Variants in SLC2A9 observed in about 807,000 individuals in gnomAD.
SLC2A9 encodes the protein solute carrier family 2, facilitated glucose transporter member 9.
SLC2A9 carries 39 observed loss-of-function variants against 50.6 expected under a neutral mutation model. The ratio of observed to expected loss-of-function variants is 0.77; its 90% CI spans 0.60 to 1.01. SLC2A9 has a LOEUF of 1.01. Ranked by LOEUF, SLC2A9 falls within the 50% of genes least tolerant of loss-of-function variation. The pLI is 0.00. For missense variants in SLC2A9, 686 were observed against 677.6 expected (o/e 1.01, Z -0.14); for synonymous variants, 324 against 276.9 (o/e 1.17, Z -1.69).
rs753237840 is a variant in SLC2A9, at chr4:9,920,369, G to A, written c.1002+16C>T. 92 of 1,613,548 alleles carry A rather than the reference G, an allele frequency of 5.7e-5. No homozygotes were observed. The highest frequency in any genetic ancestry group is 1.3e-4 in the Admixed American group (8 of 59,962). ...CTCCAGTCATGCAAGGATGCCCACC[G>A]GGCCCCAGGACTCACTGCATTGAGG... is the stretch of plus-strand genomic sequence containing the variant. On this transcript the variant is annotated intron_variant, in intron 7 of 11. Transcript: ENST00000264784.
intron 2 of SLC2A9, among the ~76,000 whole-genome samples, chr4:10,007,660 G>A (rs1761038257): frequency 6.6e-6 from 1 of 152,188 alleles, no homozygotes; most frequent in Admixed American, 6.5e-5. Context: ...TCTTTTGAGA[G>A]GTTGCATAGC....
chr4:9,822,571 C>G (rs1048800102), downstream of SLC2A9, among the ~76,000 whole-genome samples: 1 of 152,104 alleles, frequency 6.6e-6, no homozygotes, highest in Admixed American at 6.5e-5. Flanking sequence ...CTATCTATAT[C>G]ATTATGTTTA....
chr4:9,887,003 C>T (rs190224151), intron 10 of SLC2A9, among the ~76,000 whole-genome samples: 4 of 152,350 alleles, frequency 2.6e-5, no homozygotes, highest in Admixed American at 6.5e-5. Context: ...TCCAGCTGCA[C>T]ACTCACACAG....
intron 3 of SLC2A9, among the ~76,000 whole-genome samples, chr4:9,996,374 C>CCTGCT (rs1311251722): frequency 6.6e-6 from 1 of 152,238 alleles, no homozygotes; most frequent in African/African-American, 2.4e-5. Context: ...CCCTCCCCTC[C>CCTGCT]CTGCTCTGCT....
At chr4:9,958,070 G>T (rs1312969605) in intron 5 of SLC2A9, among the ~76,000 whole-genome samples, 1 of 152,114 alleles carries the variant, frequency 6.6e-6, no homozygotes, top group Non-Finnish European at 1.5e-5. Flanking sequence ...AATAAGAAAG[G>T]CATCAGATTT....
At chr4:9,794,737 T>C (rs1480557427), downstream of SLC2A9, among the ~76,000 whole-genome samples, 2 of 152,220 alleles carry the variant, frequency 1.3e-5, no homozygotes, top group East Asian at 3.9e-4. Context: ...TAAAGATGGG[T>C]TCTCATCATG....
chr4:9,924,813 T>C (rs1292175712), intron 6 of SLC2A9, among the ~76,000 whole-genome samples: 2 of 152,186 alleles, frequency 1.3e-5, no homozygotes, highest in Non-Finnish European at 2.9e-5. Context: ...GACACTGCCT[T>C]CCGTGTCTGA....
chr4:10,013,534 G>A (rs1762117540), intron 2 of SLC2A9, among the ~76,000 whole-genome samples: 1 of 152,188 alleles, frequency 6.6e-6, no homozygotes, highest in African/African-American at 2.4e-5. Flanking sequence ...TTTAAAAGGG[G>A]GTTAGTGATA....
intron 5 of SLC2A9, among the ~76,000 whole-genome samples, chr4:9,944,219 T>C (rs1748708027): frequency 6.6e-6 from 1 of 152,198 alleles, no homozygotes; most frequent in South Asian, 2.1e-4. Context: ...GCTGGAGCCT[T>C]GAGCAGAGGT....
chr4:9,784,276 C>T (rs896913692), intron 3 of SLC2A9, among the ~76,000 whole-genome samples: 1 of 143,532 alleles, frequency 7.0e-6, no homozygotes. Flanking sequence ...CTTCTCAAGA[C>T]CAGATGTTTT....
At chr4:9,915,967 A>T (rs1742780647) in intron 7 of SLC2A9, among the ~76,000 whole-genome samples, 1 of 152,204 alleles carries the variant, frequency 6.6e-6, no homozygotes, top group Non-Finnish European at 1.5e-5. Context: ...AATCAGATGG[A>T]CCTTCATGTG....
chr4:10,001,682 G>T (rs1759841753), intron 2 of SLC2A9, among the ~76,000 whole-genome samples: 1 of 152,190 alleles, frequency 6.6e-6, no homozygotes, highest in Admixed American at 6.5e-5. Context: ...CTTCATCAGG[G>T]TGCTACCAGC....
At position 9,835,020 on chromosome 4, in the gene SLC2A9, G is replaced by A. The variant is rs1269175781; in HGVS notation, c.1292-12C>T. ...GAACGGGATGCCACCTGCAGTGTGT[G>A]AGCCAGGACATGGAATTAATCACTC... On this transcript the variant is annotated splice_polypyrimidine_tract_variant and intron_variant, in intron 10 of 11. Coordinates refer to ENST00000264784, the MANE Select transcript of SLC2A9 (RefSeq NM_020041.3). The A allele has an allele frequency of 1.6e-5, 26 of 1,612,858 alleles. No individual in the cohort carries two copies. The highest frequency in any genetic ancestry group is 2.2e-5 in the Non-Finnish European group (26 of 1,179,900).
At chr4:9,846,475 C>T (rs983195763) in intron 10 of SLC2A9, among the ~76,000 whole-genome samples, 4 of 152,116 alleles carry the variant, frequency 2.6e-5, no homozygotes, top group Non-Finnish European at 5.9e-5. Flanking sequence ...ATAGCAGATG[C>T]TTCCTGGGGT....
intron 7 of SLC2A9, among the ~76,000 whole-genome samples, chr4:9,916,531 GA>G (rs1452253619): frequency 3.3e-5 from 5 of 152,216 alleles, no homozygotes; most frequent in Admixed American, 1.3e-4. Flanking sequence ...GCAAGGTTGG[GA>G]GGAGATTCAT....
At chr4:10,001,418 C>G (rs964212163) in intron 2 of SLC2A9, among the ~76,000 whole-genome samples, 3 of 152,176 alleles carry the variant, frequency 2.0e-5, no homozygotes, top group African/African-American at 7.2e-5. Flanking sequence ...TGGAACTGAG[C>G]CTTCCTTCAA....
At chr4:9,994,852 T>A (rs1758356724) in intron 3 of SLC2A9, among the ~76,000 whole-genome samples, 1 of 152,002 alleles carries the variant, frequency 6.6e-6, no homozygotes, top group African/African-American at 2.4e-5. Flanking sequence ...ACAGGCCAGA[T>A]CCTGGGGCAT....
intron 3 of SLC2A9, among the ~76,000 whole-genome samples, chr4:9,992,396 G>A (rs1196851201): frequency 6.6e-6 from 1 of 152,242 alleles, no homozygotes. Context: ...CCCGTGCATT[G>A]TAGGATATTT....
upstream of SLC2A9, among the ~76,000 whole-genome samples, chr4:10,023,449 A>G (rs1391664590): frequency 6.6e-6 from 1 of 152,210 alleles, no homozygotes; most frequent in Non-Finnish European, 1.5e-5. Flanking sequence ...CATCTGTAAC[A>G]GTGGGGACCT....
Sources: gnomAD v4.1 joint callset for allele counts (sites outside exome capture counted in the v4.1 genomes callset) on GRCh38, gnomAD v4.1.1 for gene constraint, MANE v1.5 for transcripts, NCBI Gene and HGNC (gene_info 2026-07-23, HGNC 2026-07-21) for gene names.